The following LINGO2 variants were observed in gnomAD, a reference collection of about 807,000 sequenced individuals.
LINGO2 encodes the protein leucine rich repeat and Ig domain containing 2.
LINGO2 carries 14 observed loss-of-function variants against 30.6 expected under a neutral mutation model. That is an observed-to-expected ratio of 0.46 (90% CI 0.30 to 0.72). The LOEUF (loss-of-function observed/expected upper bound fraction) is 0.72, where lower values mean the gene tolerates loss of function less well. LINGO2 is among the 30% of genes least tolerant of loss of function. The pLI, the probability that LINGO2 is intolerant of heterozygous loss-of-function variation, is 0.07. For missense variants in LINGO2, 729 were observed against 751.7 expected, an observed-to-expected ratio of 0.97 and a Z score of 0.35; for synonymous variants, 317 against 288.5, an observed-to-expected ratio of 1.10 and a Z score of -1.00.
At chr9:28,445,420 T>A (rs1219993489) in intron 2 of LINGO2, among the ~76,000 whole-genome samples, 1 of 152,148 alleles carries the variant, frequency 6.6e-6, no homozygotes, top group Admixed American at 6.5e-5. Context: ...TAATCTGACA[T>A]GTCTTGATTT....
At chr9:28,757,004 A>T in the LINGO2 span, among the ~76,000 whole-genome samples, 1 of 152,076 alleles carries the variant, frequency 6.6e-6, no homozygotes, top group Non-Finnish European at 1.5e-5. Flanking sequence ...GTAATTTACC[A>T]GTTTTAGTTA....
the LINGO2 span, among the ~76,000 whole-genome samples, chr9:28,714,893 G>A: frequency 1.3e-5 from 2 of 152,088 alleles, no homozygotes; most frequent in Non-Finnish European, 2.9e-5. Context: ...GTTCTGTAAT[G>A]TTACTCATCC....
the LINGO2 span, among the ~76,000 whole-genome samples, chr9:29,180,266 G>C: frequency 1.2e-3 from 189 of 152,288 alleles, 1 homozygote; most frequent in East Asian, 0.011. Context: ...ATTGGAGCCT[G>C]TGGCTCTGTG....
chr9:28,280,567 C>G (rs747267146), intron 4 of LINGO2, among the ~76,000 whole-genome samples: 31 of 152,036 alleles, frequency 2.0e-4, no homozygotes, highest in Non-Finnish European at 4.4e-4. Flanking sequence ...TAGTGTGTTC[C>G]ATTTAAGACA....
At chr9:28,117,752 C>A (rs1195893167) in intron 4 of LINGO2, among the ~76,000 whole-genome samples, 1 of 147,372 alleles carries the variant, frequency 6.8e-6, no homozygotes, top group African/African-American at 2.5e-5. Flanking sequence ...TGAGGCAATG[C>A]CTTGCCCTGC....
the LINGO2 span, among the ~76,000 whole-genome samples, chr9:28,922,417 AGAT>A: frequency 6.6e-6 from 1 of 152,154 alleles, no homozygotes. Flanking sequence ...TCAAACTTTT[AGAT>A]GATAAGTTTC....
At chr9:28,674,009 T>C (rs764523449), upstream of LINGO2, among the ~76,000 whole-genome samples, 8 of 151,384 alleles carry the variant, frequency 5.3e-5, no homozygotes, top group Non-Finnish European at 1.2e-4. Flanking sequence ...AAATCTAAAG[T>C]AGTCAGTAAA....
intron 3 of LINGO2, among the ~76,000 whole-genome samples, chr9:28,296,156 G>T (rs1305033531): frequency 6.6e-6 from 1 of 152,084 alleles, no homozygotes; most frequent in Non-Finnish European, 1.5e-5. Context: ...AACTTAATTA[G>T]CATGTTTGAC....
rs536514708 is a variant in LINGO2, at chr9:27,990,860, A to G, written c.-36+21495T>C. On this transcript the variant is annotated intron_variant, in intron 5 of 5. Transcript: ENST00000379992. ...GGTGTCATGAAAACAGGGATCCCAC[A>G]CTAATTTGCTACCTGGCATCCATTT... is the stretch of plus-strand genomic sequence containing the variant. Among the ~76,000 whole-genome samples the G allele has an allele frequency of 1.1e-4, 17 of 152,158 alleles. No individual in the cohort carries two copies. The South Asian group carries it at 3.5e-3, about 32-fold the overall frequency.
At chr9:28,983,384 A>T in the LINGO2 span, among the ~76,000 whole-genome samples, 1 of 151,874 alleles carries the variant, frequency 6.6e-6, no homozygotes, top group Non-Finnish European at 1.5e-5. Flanking sequence ...AATGCTGAAA[A>T]GTTCATTGTC....
the LINGO2 span, among the ~76,000 whole-genome samples, chr9:28,698,851 G>A: frequency 6.6e-6 from 1 of 151,928 alleles, no homozygotes; most frequent in Non-Finnish European, 1.5e-5. Context: ...AGACCAACTT[G>A]GGCAACATCA....
chr9:28,569,293 G>C (rs10812845), intron 1 of LINGO2, among the ~76,000 whole-genome samples: 15,099 of 151,868 alleles, frequency 0.099, 986 homozygotes, highest in East Asian at 0.26. Flanking sequence ...TGGGTATACA[G>C]CCAAAGGAAA....
At chr9:28,305,933 AT>A (rs1824333142) in intron 3 of LINGO2, among the ~76,000 whole-genome samples, 4 of 152,086 alleles carry the variant, frequency 2.6e-5, no homozygotes, top group Admixed American at 2.6e-4. Flanking sequence ...AGCTTTGAGA[AT>A]TTAAAAGATC....
intron 1 of LINGO2, among the ~76,000 whole-genome samples, chr9:28,615,624 A>G (rs1826103611): frequency 6.6e-6 from 1 of 152,226 alleles, no homozygotes. Context: ...CAGATGATTT[A>G]TAAAATACAT....
chr9:28,396,108 T>A (rs945426654), intron 2 of LINGO2, among the ~76,000 whole-genome samples: 2 of 152,174 alleles, frequency 1.3e-5, no homozygotes, highest in Non-Finnish European at 2.9e-5. Flanking sequence ...ACTTCATTTC[T>A]GAGACTCCAT....
the LINGO2 span, among the ~76,000 whole-genome samples, chr9:28,749,916 C>T: frequency 1.3e-5 from 2 of 152,048 alleles, no homozygotes; most frequent in East Asian, 3.9e-4. Context: ...AAAGGGCTCA[C>T]ATAAATTACT....
the LINGO2 span, among the ~76,000 whole-genome samples, chr9:28,921,726 A>G: frequency 6.6e-6 from 1 of 152,002 alleles, no homozygotes; most frequent in African/African-American, 2.4e-5. Context: ...TTCCACATCC[A>G]CTCACCAGTT....
the LINGO2 span, among the ~76,000 whole-genome samples, chr9:28,839,873 C>T: frequency 1.3e-5 from 2 of 152,262 alleles, no homozygotes; most frequent in East Asian, 3.9e-4. Flanking sequence ...GCTGTTAATG[C>T]TGAGGGGTGC....
At chr9:28,846,594 G>C in the LINGO2 span, among the ~76,000 whole-genome samples, 2 of 147,610 alleles carry the variant, frequency 1.4e-5, no homozygotes, top group African/African-American at 5.1e-5. Context: ...CTGCATCCCT[G>C]ATCATAGTAA....
Sources: allele counts gnomAD v4.1 joint callset (sites outside exome capture counted in the v4.1 genomes callset), GRCh38; gene constraint gnomAD v4.1.1; transcripts MANE v1.5; gene names NCBI Gene and HGNC (gene_info 2026-07-23, HGNC 2026-07-21).